The following BAG4 variants were observed in gnomAD, a reference collection of about 807,000 sequenced individuals.
The protein encoded by BAG4 is BAG cochaperone 4.
Under a neutral mutation model 52.1 loss-of-function variants are expected in BAG4, and 28 were observed. The ratio of observed to expected loss-of-function variants is 0.54; its 90% confidence interval spans 0.40 to 0.74. The LOEUF (loss-of-function observed/expected upper bound fraction) is 0.74, where lower values mean the gene tolerates loss of function less well. BAG4 is among the 30% of genes least tolerant of loss of function. The pLI, the probability that BAG4 is intolerant of heterozygous loss-of-function variation, is 0.00. For missense variants in BAG4, 525 were observed against 572.0 expected, an observed-to-expected ratio of 0.92 and a Z score of 0.84; for synonymous variants, 208 against 217.0, an observed-to-expected ratio of 0.96 and a Z score of 0.37.
chr8:38,196,615 C>A (rs1385208711), intron 2 of BAG4, among the ~76,000 whole-genome samples: 1 of 151,312 alleles, frequency 6.6e-6, no homozygotes, highest in Non-Finnish European at 1.5e-5. Context: ...TGTGCCACTG[C>A]ACTGCAGCCT....
chr8:38,207,071 G>GC (rs1347199701), intron 2 of BAG4, among the ~76,000 whole-genome samples: 1 of 150,956 alleles, frequency 6.6e-6, no homozygotes. Flanking sequence ...TCCTGCGTCA[G>GC]CCCCCCGAGT....
chr8:38,193,405 G>A (rs1386509854), intron 2 of BAG4, among the ~76,000 whole-genome samples: 4 of 151,768 alleles, frequency 2.6e-5, no homozygotes, highest in Non-Finnish European at 5.9e-5. Flanking sequence ...GGCGACGAGT[G>A]AGACTCCGTC....
intron 2 of BAG4, among the ~76,000 whole-genome samples, chr8:38,196,349 T>G (rs1803560165): frequency 2.0e-5 from 3 of 152,060 alleles, no homozygotes; most frequent in Non-Finnish European, 4.4e-5. Flanking sequence ...CAATACTTAT[T>G]TTCCTTTAAA....
rs202100571 is a variant in BAG4, at chr8:38,209,104, C to T, written c.725C>T (p.Ala242Val). Residue 242 changes from alanine (A) to valine (V), a missense_variant, in exon 4 of 5, where the codon GCG becomes GTG. By Grantham distance (64) the Ala-to-Val change is moderately conservative. Transcript: ENST00000287322. Reference sequence around the variant, plus strand: ...CCGACTGTACGACCACAAGAAGATGCGTGGGCTTCTCCTGGTGCTTATGGA... The same window carrying T: ...CCGACTGTACGACCACAAGAAGATGTGTGGGCTTCTCCTGGTGCTTATGGA... ...SGPTVRPQED[A>V]WASPGAYGMG... is the part of the protein sequence containing the mutation. The T allele has an allele frequency of 9.1e-5, 147 of 1,614,162 alleles. No individual in the cohort carries two copies. The highest frequency in any genetic ancestry group is 2.0e-4 in the African/African-American group (15 of 75,028).
At chr8:38,178,346 G>T (rs939196646) in intron 1 of BAG4, among the ~76,000 whole-genome samples, 7 of 152,218 alleles carry the variant, frequency 4.6e-5, no homozygotes, top group Admixed American at 2.0e-4. Context: ...GTACAGACGG[G>T]GTTTCGCCAT....
chr8:38,179,380 C>A (rs1803225378), intron 1 of BAG4, among the ~76,000 whole-genome samples: 2 of 151,056 alleles, frequency 1.3e-5, no homozygotes, highest in Admixed American at 6.6e-5. Context: ...TGGTCTTGAA[C>A]TCCTGATCTC....
chr8:38,179,409 G>T (rs1030883615), intron 1 of BAG4, among the ~76,000 whole-genome samples: 4 of 151,464 alleles, frequency 2.6e-5, no homozygotes, highest in African/African-American at 9.7e-5. Context: ...CTCCTGCCTC[G>T]GCCTCCAAAA....
intron 1 of BAG4, among the ~76,000 whole-genome samples, chr8:38,181,779 C>T (rs962321663): frequency 1.0e-4 from 15 of 149,214 alleles, no homozygotes; most frequent in Non-Finnish European, 2.2e-4. Flanking sequence ...GTGGCGGGCG[C>T]CTGTAATTGC....
At chr8:38,199,260 A>G (rs1011148859) in intron 2 of BAG4, among the ~76,000 whole-genome samples, 1 of 152,204 alleles carries the variant, frequency 6.6e-6, no homozygotes, top group Non-Finnish European at 1.5e-5. Flanking sequence ...CTCCATTATA[A>G]TCCTATGGGA....
intron 4 of BAG4, 27 bp from the exon 5 acceptor site, chr8:38,209,981 T>A: frequency 6.2e-7 from 1 of 1,602,050 alleles, no homozygotes; most frequent in Non-Finnish European, 8.5e-7. Context: ...AACAGCTCTT[T>A]TCCTCTTTTT....
rs1175492298 is a variant in BAG4, at chr8:38,211,496, A to G, written c.*1003A>G. 6.6e-6 allele frequency: 1 copy of G among 151,932 alleles called. No individual in the cohort carries two copies. Among genetic ancestry groups the G allele is most frequent in the Non-Finnish European group, 1.5e-5 (1 of 67,936 alleles). 9.4% of individuals were successfully genotyped at this position (151,932 alleles called of 1,614,324 possible). ...AGTGAGTAGAAATAATTACTACAAA[A>G]AGTAATAAATATGATTACTTGGTAA... On this transcript the variant is annotated 3_prime_UTR_variant, in exon 5 of 5. Transcript: ENST00000287322.
chr8:38,185,332 G>A lies in BAG4; in HGVS notation c.271-7356G>A, dbSNP rs115163764. The stretch of plus-strand genomic sequence containing the variant: ...ACATTATAGGAATTTTAACTTCTTT[G>A]TATATTTTATATGAAAAAAATCTTG... On this transcript the variant is annotated intron_variant, in intron 1 of 4. Coordinates refer to ENST00000287322, the MANE Select transcript of BAG4 (RefSeq NM_004874.4). Among the ~76,000 whole-genome samples the A allele has an allele frequency of 5.9e-3, 893 of 151,956 alleles. 8 individuals carry two copies. Among genetic ancestry groups the A allele is most frequent in the African/African-American group, 0.02 (844 of 41,438 alleles).
chr8:38,196,717 A>T (rs992464693), intron 2 of BAG4, among the ~76,000 whole-genome samples: 1 of 151,980 alleles, frequency 6.6e-6, no homozygotes, highest in Non-Finnish European at 1.5e-5. Flanking sequence ...TCTGATGACT[A>T]ATGATTTGAG....
chr8:38,192,949 G>A (rs938705026), intron 2 of BAG4, among the ~76,000 whole-genome samples, 154 bp downstream of exon 2: 6 of 152,024 alleles, frequency 3.9e-5, no homozygotes, highest in Non-Finnish European at 7.4e-5. Context: ...TTAGCTCAGA[G>A]ATAAGGAAAT....
At chr8:38,198,527 C>T (rs1317958546) in intron 2 of BAG4, among the ~76,000 whole-genome samples, 8 of 130,084 alleles carry the variant, frequency 6.1e-5, no homozygotes, top group South Asian at 2.5e-4. Context: ...TTCACTCTGT[C>T]GCCCAGGCTG....
At chr8:38,190,191 C>T (rs1803450195) in intron 1 of BAG4, among the ~76,000 whole-genome samples, 1 of 152,216 alleles carries the variant, frequency 6.6e-6, no homozygotes, top group Non-Finnish European at 1.5e-5. Flanking sequence ...TCCTTGTCCT[C>T]GTGACAATAT....
At position 38,212,130 on chromosome 8, in the gene BAG4, G is replaced by A. The variant is rs1392563126; in HGVS notation, c.*1637G>A. ...ATTTTATTCTAGGATTTTATTTTTG[G>A]CCTAATATAGGAATGTTTAAAAAAG... On this transcript the variant is annotated 3_prime_UTR_variant, in exon 5 of 5. Transcript: ENST00000287322. 1 of 152,016 alleles carries A rather than the reference G, an allele frequency of 6.6e-6. No homozygotes were observed. Among genetic ancestry groups the A allele is most frequent in the Non-Finnish European group, 1.5e-5 (1 of 67,996 alleles). The allele number at this position is 152,016 out of a possible 1,614,324, so 9.4% of individuals were successfully genotyped here. A position where few individuals can be genotyped will look rare whatever the true frequency, so the allele number is the denominator to read the frequency against.
intron 1 of BAG4, among the ~76,000 whole-genome samples, chr8:38,189,485 A>C (rs1324057420): frequency 6.6e-6 from 1 of 152,188 alleles, no homozygotes; most frequent in Non-Finnish European, 1.5e-5. Context: ...TTATTGCATT[A>C]ATTGACTTTT....
At chr8:38,188,881 C>T (rs961318598) in intron 1 of BAG4, among the ~76,000 whole-genome samples, 1 of 151,340 alleles carries the variant, frequency 6.6e-6, no homozygotes, top group Non-Finnish European at 1.5e-5. Context: ...GCAACCTCCG[C>T]CTCCCAGGTT....
Sources: gnomAD v4.1 joint callset for allele counts (sites outside exome capture counted in the v4.1 genomes callset) on GRCh38, gnomAD v4.1.1 for gene constraint, MANE v1.5 for transcripts, NCBI Gene and HGNC (gene_info 2026-07-23, HGNC 2026-07-21) for gene names.